Variants in NTM observed in about 807,000 individuals in gnomAD.
NTM encodes the protein neurotrimin.
NTM carries 13 observed loss-of-function variants against 42.1 expected under a neutral mutation model. The observed-to-expected ratio is 0.31, with a 90% CI of 0.20 to 0.49. NTM has a LOEUF of 0.49. Among genes scored for constraint, NTM ranks in the 20% least tolerant of loss-of-function variants. The pLI, the probability that NTM is intolerant of heterozygous loss-of-function variation, is 0.99. For synonymous variants in NTM, 187 were observed against 179.2 expected (o/e 1.04, Z -0.35); for missense variants, 373 against 452.8 (o/e 0.82, Z 1.60).
chr11:132,022,440 C>T (rs1052656644), intron 2 of NTM, among the ~76,000 whole-genome samples: 4 of 152,084 alleles, frequency 2.6e-5, no homozygotes, highest in African/African-American at 7.2e-5. Context: ...CTTCAGAGTC[C>T]GCATGATATT....
chr11:131,393,502 C>T (rs564209632), intron 1 of NTM, among the ~76,000 whole-genome samples: 19 of 152,332 alleles, frequency 1.2e-4, no homozygotes, highest in African/African-American at 3.8e-4. Flanking sequence ...AGGGAGATCA[C>T]GCCCATTCCA....
chr11:131,654,387 G>A (rs1267174596), intron 1 of NTM, among the ~76,000 whole-genome samples: 3 of 152,288 alleles, frequency 2.0e-5, no homozygotes, highest in South Asian at 4.2e-4. Flanking sequence ...GGGACCTCAC[G>A]GCCACAAGAA....
chr11:131,560,653 T>C (rs532124608), intron 1 of NTM, among the ~76,000 whole-genome samples: 1 of 152,360 alleles, frequency 6.6e-6, no homozygotes, highest in East Asian at 1.9e-4. Context: ...AAGCTTAATG[T>C]ATTCTTCATG....
intron 2 of NTM, among the ~76,000 whole-genome samples, chr11:132,062,051 T>C (rs2080764890): frequency 6.6e-6 from 1 of 152,076 alleles, no homozygotes; most frequent in Non-Finnish European, 1.5e-5. Context: ...TAAATCAAAC[T>C]CCGCTGTGTG....
At chr11:132,270,819 T>A (rs1235762072) in intron 4 of NTM, among the ~76,000 whole-genome samples, 1 of 152,148 alleles carries the variant, frequency 6.6e-6, no homozygotes, top group Non-Finnish European at 1.5e-5. Context: ...GGAATTGTGC[T>A]TTGTGTATGT....
At chr11:131,845,850 G>A (rs906043119) in intron 1 of NTM, among the ~76,000 whole-genome samples, 1 of 151,884 alleles carries the variant, frequency 6.6e-6, no homozygotes, top group Non-Finnish European at 1.5e-5. Flanking sequence ...ACATAAGAAT[G>A]ACCTCTAATT....
intron 5 of NTM, among the ~76,000 whole-genome samples, chr11:132,308,472 G>A (rs2095171205): frequency 6.6e-6 from 1 of 152,036 alleles, no homozygotes; most frequent in Non-Finnish European, 1.5e-5. Flanking sequence ...AATCCTACTT[G>A]AATTTGCTAC....
intron 1 of NTM, among the ~76,000 whole-genome samples, chr11:131,473,664 G>A (rs887538458): frequency 1.3e-4 from 20 of 152,230 alleles, no homozygotes; most frequent in African/African-American, 3.9e-4. Flanking sequence ...CCAATGAGGC[G>A]TGGCCATCCC....
rs145286163 is a variant in NTM at position 131,961,873 on chromosome 11, G to A, written c.167+50225G>A. ...AAATGCAGTGGTAGTCCCTGCATTC[G>A]AAACATAGAGTCTTTTACTGTGTGC... On this transcript the variant is annotated intron_variant, in intron 2 of 8. Transcript: ENST00000683400. 4.2e-3 allele frequency among the ~76,000 whole-genome samples: 638 copies of A among 152,138 alleles called. 3 individuals carry two copies. Among genetic ancestry groups the A allele is most frequent in the African/African-American group, 0.015 (603 of 41,520 alleles).
At chr11:131,671,877 G>A (rs1364380496) in intron 1 of NTM, among the ~76,000 whole-genome samples, 3 of 152,120 alleles carry the variant, frequency 2.0e-5, no homozygotes, top group South Asian at 2.1e-4. Context: ...CAAGGTTTGG[G>A]GGCTCCAAAC....
At chr11:131,958,194 G>A (rs545352418) in intron 2 of NTM, among the ~76,000 whole-genome samples, 85 of 152,122 alleles carry the variant, frequency 5.6e-4, no homozygotes, top group Middle Eastern at 3.4e-3. Flanking sequence ...CCACACATCC[G>A]ACCCAATTTA....
intron 4 of NTM, among the ~76,000 whole-genome samples, chr11:132,221,614 A>G (rs548142270): frequency 2.0e-5 from 3 of 152,280 alleles, no homozygotes; most frequent in African/African-American, 7.2e-5. Context: ...CGACAGCTGT[A>G]AGGGTGGGGT....
intron 8 of NTM, among the ~76,000 whole-genome samples, chr11:132,330,956 G>T (rs1017019248): frequency 8.5e-5 from 13 of 152,180 alleles, no homozygotes; most frequent in African/African-American, 2.4e-4. Context: ...TGTGGTCCAC[G>T]CCCACCTGGA....
chr11:131,927,067 G>T (rs1355859824), intron 2 of NTM, among the ~76,000 whole-genome samples: 3 of 152,176 alleles, frequency 2.0e-5, no homozygotes, highest in African/African-American at 7.2e-5. Context: ...ATCAGAGATG[G>T]ATTAGGCCTA....
chr11:131,836,108 A>G (rs2043455410), intron 1 of NTM, among the ~76,000 whole-genome samples: 1 of 152,196 alleles, frequency 6.6e-6, no homozygotes, highest in Non-Finnish European at 1.5e-5. Context: ...AATTTCTTTA[A>G]CTGCTGGTAG....
chr11:132,173,581 A>T (rs1442252101), intron 3 of NTM, among the ~76,000 whole-genome samples: 1 of 152,338 alleles, frequency 6.6e-6, no homozygotes, highest in African/African-American at 2.4e-5. Flanking sequence ...CTAGGGAGGC[A>T]GTTATTCATG....
chr11:132,334,912 G>A, intron 8 of NTM, 134 bp from the exon 9 acceptor site: 8 of 1,422,268 alleles, frequency 5.6e-6, no homozygotes, highest in Non-Finnish European at 7.5e-6. Flanking sequence ...TAATGCTGGG[G>A]CTGGAACACC....
At chr11:131,904,579 GC>G (rs1592713504) in intron 1 of NTM, among the ~76,000 whole-genome samples, 1 of 152,264 alleles carries the variant, frequency 6.6e-6, no homozygotes, top group East Asian at 1.9e-4. Context: ...AGCGTGTTGG[GC>G]CTTGCATGGT....
chr11:131,805,367 A>G (rs941727094), intron 1 of NTM, among the ~76,000 whole-genome samples: 2 of 152,166 alleles, frequency 1.3e-5, no homozygotes, highest in East Asian at 1.9e-4. Context: ...CTCAGCGTAC[A>G]TATCTTTTCC....
Sources: gnomAD v4.1 joint callset for allele counts (sites outside exome capture counted in the v4.1 genomes callset) on GRCh38, gnomAD v4.1.1 for gene constraint, MANE v1.5 for transcripts, NCBI Gene and HGNC (gene_info 2026-07-23, HGNC 2026-07-21) for gene names.